DLGAP2: variants seen among roughly 807,000 people sequenced by gnomAD.
DLGAP2 encodes the protein DLG associated protein 2.
Under a neutral mutation model 100.3 loss-of-function variants are expected in DLGAP2, and 26 were observed. The observed-to-expected ratio is 0.26, with a 90% CI of 0.19 to 0.36. The LOEUF is 0.36. Among genes scored for constraint, DLGAP2 ranks in the 10% least tolerant of loss-of-function variants. The probability of loss-of-function intolerance (pLI) is 1.00; values close to 1 mark genes in which losing one functional copy is unlikely to be tolerated. For missense variants in DLGAP2, 1,858 were observed against 1,453.2 expected (o/e 1.28, Z -4.53); for synonymous variants, 886 against 630.1 (o/e 1.41, Z -6.08).
chr8:1,663,433 A>T (rs1798465019), intron 8 of DLGAP2, among the ~76,000 whole-genome samples: 1 of 152,030 alleles, frequency 6.6e-6, no homozygotes, highest in Non-Finnish European at 1.5e-5. Flanking sequence ...CTGGATGCTT[A>T]TCTCCGCTTC....
chr8:902,893 G>T (rs1241873449), intron 1 of DLGAP2, among the ~76,000 whole-genome samples: 1 of 66,816 alleles, frequency 1.5e-5, no homozygotes, highest in Non-Finnish European at 3.0e-5. Flanking sequence ...GCAGGGGTGG[G>T]TGGGTGGAAC....
chr8:1,579,674 G>A (rs899700086), intron 6 of DLGAP2, among the ~76,000 whole-genome samples: 5 of 152,118 alleles, frequency 3.3e-5, no homozygotes, highest in African/African-American at 1.2e-4. Flanking sequence ...TAACTAAAAC[G>A]TTTGGAGAGC....
chr8:1,125,923 G>C lies in DLGAP2; in HGVS notation c.74-132928G>C, dbSNP rs77767912. On this transcript the variant is annotated intron_variant, in intron 2 of 14. Transcript: ENST00000637795. ...AGTTGAAGAAGGACCCAGCGAGCTT[G>C]GCATTGGCATTGAGAATCCCTGGCG... Among the ~76,000 whole-genome samples the C allele has an allele frequency of 5.5e-3, 841 of 152,346 alleles. 8 individuals are homozygous for C. Among genetic ancestry groups the C allele is most frequent in the African/African-American group, 0.019 (805 of 41,588 alleles).
At chr8:1,103,468 G>A (rs1375689503) in intron 2 of DLGAP2, among the ~76,000 whole-genome samples, 8 of 146,092 alleles carry the variant, frequency 5.5e-5, no homozygotes, top group East Asian at 2.0e-4. Flanking sequence ...CTTGGTTAAC[G>A]TTGATGACTG....
intron 3 of DLGAP2, among the ~76,000 whole-genome samples, chr8:1,313,099 C>G (rs1450187493): frequency 6.6e-6 from 1 of 152,198 alleles, no homozygotes; most frequent in African/African-American, 2.4e-5. Context: ...TGGACCCGGT[C>G]AGATATTTGA....
intron 1 of DLGAP2, among the ~76,000 whole-genome samples, chr8:868,561 T>C (rs914215271): frequency 3.3e-5 from 5 of 152,152 alleles, no homozygotes; most frequent in African/African-American, 1.2e-4. Context: ...GTGTCACTAA[T>C]CCAGAAAAAG....
rs1456673950 is a variant in DLGAP2, at chr8:1,707,462, A to G, written c.*6056A>G. 2 of 152,130 alleles carry G rather than the reference A, an allele frequency of 1.3e-5. No homozygotes were observed. Among genetic ancestry groups the G allele is most frequent in the South Asian group, 2.1e-4 (1 of 4,824 alleles). The allele number at this position is 152,130 out of a possible 1,614,324, so 9.4% of individuals were successfully genotyped here. On this transcript the variant is annotated 3_prime_UTR_variant, in exon 15 of 15. Coordinates refer to ENST00000637795, the MANE Select transcript of DLGAP2 (RefSeq NM_001346810.2). ...CCCCACTCATTTAAATAATACAATC[A>G]TATCACTTTCAAAGGGCTCAGCACG...
intron 1 of DLGAP2, among the ~76,000 whole-genome samples, chr8:889,595 T>A (rs1212133160): frequency 1.3e-5 from 2 of 152,222 alleles, no homozygotes; most frequent in Non-Finnish European, 2.9e-5. Flanking sequence ...TGTGTTGCGC[T>A]GTGCAGACAA....
At position 1,321,188 on chromosome 8, in the gene DLGAP2, C is replaced by T. The variant is rs1488152516; in HGVS notation, c.106+62305C>T. 4.7e-5 allele frequency among the ~76,000 whole-genome samples: 7 copies of T among 149,738 alleles called. No individual in the cohort carries two copies. In the South Asian group the frequency reaches 8.5e-4, roughly 18 times the overall value. On this transcript the variant is annotated intron_variant, in intron 3 of 14. Transcript: ENST00000637795. The stretch of plus-strand genomic sequence containing the variant: ...ATGTGTCTGCGTCCATGTGTCTCTA[C>T]GTGTGCACGTGCATCCATGTGCCTC...
chr8:1,699,929 T>C (rs1019716111), intron 14 of DLGAP2, among the ~76,000 whole-genome samples: 3 of 152,228 alleles, frequency 2.0e-5, no homozygotes, highest in Admixed American at 6.5e-5. Context: ...TTCTCTCCTT[T>C]TCTCTTGGCA....
intron 3 of DLGAP2, among the ~76,000 whole-genome samples, chr8:1,421,864 T>C (rs1797095496): frequency 6.6e-6 from 1 of 151,864 alleles, no homozygotes; most frequent in Non-Finnish European, 1.5e-5. Flanking sequence ...CTCAAGAGGC[T>C]CTGAGGCAGG....
intron 2 of DLGAP2, among the ~76,000 whole-genome samples, chr8:1,214,199 T>C (rs1344192011): frequency 6.6e-6 from 1 of 152,140 alleles, no homozygotes; most frequent in East Asian, 1.9e-4. Flanking sequence ...CAGGTGTCTT[T>C]TATTCTTCAA....
intron 3 of DLGAP2, among the ~76,000 whole-genome samples, chr8:1,446,673 T>C (rs1377959589): frequency 6.6e-6 from 1 of 152,234 alleles, no homozygotes; most frequent in East Asian, 1.9e-4. Context: ...ATGTATAAAT[T>C]ACCTTGGGCA....
chr8:1,184,184 A>G (rs1169600518), intron 2 of DLGAP2, among the ~76,000 whole-genome samples: 2 of 152,252 alleles, frequency 1.3e-5, no homozygotes, highest in East Asian at 1.9e-4. Context: ...GCCTCATTCT[A>G]AAACCATAGA....
intron 4 of DLGAP2, among the ~76,000 whole-genome samples, chr8:1,516,890 A>T (rs1426261625): frequency 6.6e-6 from 1 of 152,218 alleles, no homozygotes; most frequent in Non-Finnish European, 1.5e-5. Context: ...CAGCTTCAAG[A>T]GGATGAGGAG....
chr8:1,336,763 GC>G (rs1170215242), intron 3 of DLGAP2, among the ~76,000 whole-genome samples: 1 of 152,172 alleles, frequency 6.6e-6, no homozygotes, highest in Non-Finnish European at 1.5e-5. Context: ...AAAGCAGTGG[GC>G]TCCTCTCACC....
intron 2 of DLGAP2, among the ~76,000 whole-genome samples, chr8:1,171,448 C>G (rs1434554736): frequency 6.6e-6 from 1 of 152,136 alleles, no homozygotes; most frequent in South Asian, 2.1e-4. Flanking sequence ...TGTTGACTTT[C>G]TGTCTCATTG....
chr8:803,079 G>C (rs1470352600), intron 1 of DLGAP2, among the ~76,000 whole-genome samples: 2 of 152,208 alleles, frequency 1.3e-5, no homozygotes, highest in Admixed American at 6.5e-5. Flanking sequence ...TGACGGGCTT[G>C]GACGCTGGTG....
intron 2 of DLGAP2, among the ~76,000 whole-genome samples, chr8:1,135,445 C>T (rs1047022690): frequency 2.0e-5 from 3 of 148,876 alleles, no homozygotes; most frequent in South Asian, 2.1e-4. Flanking sequence ...TTAGGAACCA[C>T]GCAGAGATAG....
Sources: gnomAD v4.1 joint callset for allele counts (sites outside exome capture counted in the v4.1 genomes callset) on GRCh38, gnomAD v4.1.1 for gene constraint, MANE v1.5 for transcripts, NCBI Gene and HGNC (gene_info 2026-07-23, HGNC 2026-07-21) for gene names.